The following MTHFD2L variants were observed in gnomAD, a reference collection of about 807,000 sequenced individuals.
MTHFD2L encodes methylenetetrahydrofolate dehydrogenase (NADP+ dependent) 2 like.
In MTHFD2L, 29 loss-of-function variants were observed where a neutral mutation model predicts 34.9. That is an observed-to-expected ratio of 0.83 (90% CI 0.62 to 1.13). MTHFD2L has a LOEUF of 1.13. Ranked by LOEUF, MTHFD2L falls within the 50% of genes most tolerant of loss-of-function variation. The probability of loss-of-function intolerance (pLI) is 0.00; values close to 1 mark genes in which losing one functional copy is unlikely to be tolerated. For synonymous variants in MTHFD2L, 167 were observed against 155.7 expected (o/e 1.07, Z -0.54); for missense variants, 481 against 446.5 (o/e 1.08, Z -0.70).
At chr4:74,275,430 A>G (rs990450982) in intron 6 of MTHFD2L, among the ~76,000 whole-genome samples, 2 of 152,188 alleles carry the variant, frequency 1.3e-5, no homozygotes, top group South Asian at 4.1e-4. Flanking sequence ...TCTTTATGAT[A>G]GAATGATTTA....
intron 1 of MTHFD2L, among the ~76,000 whole-genome samples, chr4:74,163,503 G>C (rs927122715): frequency 1.3e-5 from 2 of 151,836 alleles, no homozygotes; most frequent in Non-Finnish European, 2.9e-5. Flanking sequence ...TGGATACGAA[G>C]AAGAGTCATA....
chr4:74,155,079 TC>T (rs1229796813), upstream of MTHFD2L, among the ~76,000 whole-genome samples: 1 of 152,188 alleles, frequency 6.6e-6, no homozygotes, highest in Non-Finnish European at 1.5e-5. Context: ...TATAGTCATA[TC>T]AGAATTGGTA....
chr4:74,235,636 A>T (rs1740727902), intron 6 of MTHFD2L, among the ~76,000 whole-genome samples: 1 of 152,150 alleles, frequency 6.6e-6, no homozygotes, highest in African/African-American at 2.4e-5. Flanking sequence ...AAGTCTGTTT[A>T]TAGTGCATGG....
chr4:74,149,943 C>A (rs554261540), intron 1 of MTHFD2L, among the ~76,000 whole-genome samples: 11 of 151,730 alleles, frequency 7.2e-5, no homozygotes, highest in Non-Finnish European at 1.5e-4. Flanking sequence ...CTAGTGGGCT[C>A]AATCAAATCA....
intron 3 of MTHFD2L, among the ~76,000 whole-genome samples, chr4:74,181,514 G>C (rs1730167584): frequency 6.6e-6 from 1 of 152,166 alleles, no homozygotes; most frequent in African/African-American, 2.4e-5. Context: ...AGAGAACCAA[G>C]TGTAGCATCC....
chr4:74,217,589 C>T lies in MTHFD2L; in HGVS notation c.713-7713C>T, dbSNP rs529851104. 6.6e-5 allele frequency among the ~76,000 whole-genome samples: 10 copies of T among 151,810 alleles called. No homozygotes were observed. The East Asian group carries it at 1.7e-3, about 26-fold the overall frequency. On this transcript the variant is annotated intron_variant, in intron 5 of 7. Transcript: ENST00000325278. ...GATTTTCCGTATCCCGAGAAAGTGA[C>T]AAAGCAAAACTCTATATGTGAGGTT... is the stretch of plus-strand genomic sequence containing the variant.
intron 1 of MTHFD2L, chr4:74,160,636 G>C (rs1486006305): frequency 6.6e-6 from 1 of 152,044 alleles, no homozygotes; most frequent in Admixed American, 6.6e-5. Flanking sequence ...GCAGCTTATT[G>C]TTTCTTGAAA....
At chr4:74,123,790 G>A (rs201055101), upstream of MTHFD2L, among the ~76,000 whole-genome samples, 6 of 151,840 alleles carry the variant, frequency 4.0e-5, no homozygotes, top group East Asian at 5.8e-4. Context: ...TTTTTCTTCC[G>A]ACTTTAAAGG....
intron 6 of MTHFD2L, among the ~76,000 whole-genome samples, chr4:74,242,841 A>G (rs1379635592): frequency 1.3e-5 from 2 of 152,186 alleles, no homozygotes; most frequent in African/African-American, 4.8e-5. Context: ...TTTTGATAGA[A>G]CTGAAAGGGC....
intron 1 of MTHFD2L, among the ~76,000 whole-genome samples, chr4:74,136,005 A>G (rs1722897217): frequency 6.6e-6 from 1 of 152,148 alleles, no homozygotes; most frequent in Admixed American, 6.6e-5. Flanking sequence ...ATCTATGACA[A>G]ACCCATAGCT....
At position 74,201,264 on chromosome 4, in the gene MTHFD2L, A is replaced by G; in HGVS notation, c.606A>G (p.Gly202=). The G allele has an allele frequency of 4.3e-6, 7 of 1,612,442 alleles. No homozygotes were observed. Among genetic ancestry groups the G allele is most frequent in the Non-Finnish European group, 5.9e-6 (7 of 1,178,766 alleles). ...SAVWEIIKRT[G]IQTFGKNVVV... is the part of the protein sequence containing the mutation. ...TTAAACCGAACTCTGTATTTTAAGG[A>G]ATTCAAACATTTGGAAAAAATGTGG... Residue 202 remains glycine, a splice_region_variant and synonymous_variant, in exon 5 of 8, where the codon GGA becomes GGG. Coordinates refer to ENST00000325278, the MANE Select transcript of MTHFD2L (RefSeq NM_001144978.3).
rs555656654 is a variant in MTHFD2L at position 74,184,236 on chromosome 4, C to A, written c.451+8833C>A. On this transcript the variant is annotated intron_variant, in intron 3 of 7. Transcript: ENST00000325278. ...AATCCAATTAAACATCAGAGGTTGT[C>A]AAATTGGTTAAAAATCAAGTCCCAA... 3.3e-5 allele frequency among the ~76,000 whole-genome samples: 5 copies of A among 152,190 alleles called. No individual in the cohort carries two copies. In the South Asian group the frequency reaches 1.0e-3, roughly 32 times the overall value.
chr4:74,118,740 C>G (rs1446693307), upstream of MTHFD2L, among the ~76,000 whole-genome samples: 1 of 152,158 alleles, frequency 6.6e-6, no homozygotes, highest in Non-Finnish European at 1.5e-5. Flanking sequence ...AGGAACCATG[C>G]CACACAGCAG....
intron 1 of MTHFD2L, among the ~76,000 whole-genome samples, chr4:74,136,271 T>C (rs1722924058): frequency 6.6e-6 from 1 of 152,056 alleles, no homozygotes; most frequent in Admixed American, 6.6e-5. Flanking sequence ...TACAGGAATT[T>C]AGTAAAGTTG....
chr4:74,116,417 T>C (rs1211978498), intron 2 of MTHFD2L, among the ~76,000 whole-genome samples: 1 of 152,076 alleles, frequency 6.6e-6, no homozygotes, highest in Non-Finnish European at 1.5e-5. Context: ...TAAGGAGAAC[T>C]GTAAAGAAAT....
chr4:74,176,179 A>G (rs546376551), intron 3 of MTHFD2L, among the ~76,000 whole-genome samples: 1 of 152,002 alleles, frequency 6.6e-6, no homozygotes, highest in Non-Finnish European at 1.5e-5. Context: ...ATTCACCCTC[A>G]TTAAGTTCCT....
chr4:74,245,552 G>T (rs1055848170), intron 6 of MTHFD2L, among the ~76,000 whole-genome samples: 1 of 151,878 alleles, frequency 6.6e-6, no homozygotes, highest in Non-Finnish European at 1.5e-5. Flanking sequence ...ATGTATACAT[G>T]TGCCATGCTG....
intron 6 of MTHFD2L, among the ~76,000 whole-genome samples, chr4:74,233,475 A>G (rs186420566): frequency 6.6e-6 from 1 of 152,266 alleles, no homozygotes; most frequent in East Asian, 1.9e-4. Context: ...TTACATCCTT[A>G]GCACATAATG....
At chr4:74,164,090 TG>T (rs1726098453) in intron 1 of MTHFD2L, among the ~76,000 whole-genome samples, 1 of 152,160 alleles carries the variant, frequency 6.6e-6, no homozygotes, top group Non-Finnish European at 1.5e-5. Context: ...TTAGCCAGGA[TG>T]CGTCTTGATC....
Sources: gnomAD v4.1 joint callset for allele counts (sites outside exome capture counted in the v4.1 genomes callset) on GRCh38, gnomAD v4.1.1 for gene constraint, MANE v1.5 for transcripts, NCBI Gene and HGNC (gene_info 2026-07-23, HGNC 2026-07-21) for gene names.